FAT4: variants seen among roughly 807,000 people sequenced by gnomAD.
The protein encoded by FAT4 is FAT atypical cadherin 4.
In FAT4, 84 loss-of-function variants were observed where a neutral mutation model predicts 303.9. That is an observed-to-expected ratio of 0.28 (90% CI 0.23 to 0.33). The LOEUF (loss-of-function observed/expected upper bound fraction) is 0.33, where lower values mean the gene tolerates loss of function less well. Ranked by LOEUF, FAT4 falls within the 10% of genes least tolerant of loss-of-function variation. FAT4 has a pLI of 1.00. For missense variants in FAT4, 6,005 were observed against 6,146.8 expected, an observed-to-expected ratio of 0.98 and a Z score of 0.77; for synonymous variants, 2,307 against 2,298.8, an observed-to-expected ratio of 1.00 and a Z score of -0.10.
chr4:125,441,512 A>G (rs542072774), intron 8 of FAT4, among the ~76,000 whole-genome samples: 1 of 152,334 alleles, frequency 6.6e-6, no homozygotes, highest in Non-Finnish European at 1.5e-5. Context: ...GAAACAATGG[A>G]AATGTTTTAA....
chr4:125,352,215 G>A (rs978250715), intron 2 of FAT4, among the ~76,000 whole-genome samples: 8 of 151,164 alleles, frequency 5.3e-5, no homozygotes, highest in South Asian at 4.2e-4. Flanking sequence ...AAGTAATTAC[G>A]TTAGTGGTAA....
chr4:125,486,329 G>A (rs985403885), intron 16 of FAT4, among the ~76,000 whole-genome samples: 3 of 151,188 alleles, frequency 2.0e-5, no homozygotes, highest in Admixed American at 6.6e-5. Flanking sequence ...ATAAAATATT[G>A]CTATATGAAT....
At chr4:125,331,764 ATAACT>A (rs1436162870) in intron 2 of FAT4, among the ~76,000 whole-genome samples, 1 of 152,224 alleles carries the variant, frequency 6.6e-6, no homozygotes, top group Non-Finnish European at 1.5e-5. Context: ...TTTAATATTG[ATAACT>A]TTAATTACTG....
Position 125,408,625 on chromosome 4 carries a change from A to C in FAT4, c.5751A>C (p.Arg1917=), listed in dbSNP as rs763677301. Reference sequence around the variant, plus strand: ...AGCAATATTATATCCTCACTGTTCGAGCAGAAGATGGTGGGGGACAATTTA... The same window carrying C: ...AGCAATATTATATCCTCACTGTTCGCGCAGAAGATGGTGGGGGACAATTTA... ...EVQQYYILTV[R]AEDGGGQFTT... The change falls in exon 5 of 18, where the codon CGA becomes CGC. Residue 1917 remains arginine, a synonymous_variant. Coordinates refer to ENST00000394329, the MANE Select transcript of FAT4 (RefSeq NM_001291303.3). 11 of 1,612,360 alleles carry C rather than the reference A, an allele frequency of 6.8e-6. No homozygotes were observed. The highest frequency in any genetic ancestry group is 9.3e-6 in the Non-Finnish European group (11 of 1,179,006).
At position 125,321,411 on chromosome 4, in the gene FAT4, T is replaced by A; in HGVS notation, c.5000T>A (p.Ile1667Asn). 6.2e-7 allele frequency: 1 copy of A among 1,614,172 alleles called. No individual in the cohort carries two copies. The highest frequency in any genetic ancestry group is 1.1e-5 in the South Asian group (1 of 91,080). ...RGSEAPVEYY[I>N]VSVRCEEKTV... The stretch of plus-strand genomic sequence containing the variant: ...TCTGAGGCCCCAGTGGAGTATTATA[T>A]TGTTTCAGTTCGTTGTGAAGAAAAA... The change falls in exon 2 of 18, where the codon ATT becomes AAT. Residue 1667 changes from isoleucine (I) to asparagine (N), a missense_variant. By Grantham distance (149) the Ile-to-Asn change is moderately radical. Transcript: ENST00000394329.
intron 2 of FAT4, among the ~76,000 whole-genome samples, chr4:125,330,126 A>G (rs946064077): frequency 2.0e-5 from 3 of 152,210 alleles, no homozygotes; most frequent in African/African-American, 2.4e-5. Flanking sequence ...CTAGGCACAC[A>G]TTAGCCTTCG....
rs76671140 is a variant in FAT4, at chr4:125,421,320, G to A, written c.7018+4698G>A. On this transcript the variant is annotated intron_variant, in intron 7 of 17. Coordinates refer to ENST00000394329, the MANE Select transcript of FAT4 (RefSeq NM_001291303.3). Reference sequence around the variant, plus strand: ...ATATCTAAGCACTTTCTAAGCACACGTGGCAATTGGTTTCACATAGCTTAA... The same window carrying A: ...ATATCTAAGCACTTTCTAAGCACACATGGCAATTGGTTTCACATAGCTTAA... Among the ~76,000 whole-genome samples, 751 of 152,228 alleles carry A rather than the reference G, an allele frequency of 4.9e-3. 9 individuals are homozygous for A. The highest frequency in any genetic ancestry group is 0.017 in the African/African-American group (724 of 41,532).
intron 3 of FAT4, among the ~76,000 whole-genome samples, chr4:125,405,951 T>G (rs1412938049): frequency 6.6e-6 from 1 of 152,202 alleles, no homozygotes; most frequent in Non-Finnish European, 1.5e-5. Context: ...ATATACAGTT[T>G]GCAAATATTT....
chr4:125,354,108 T>G (rs181247416), intron 2 of FAT4, among the ~76,000 whole-genome samples: 186 of 151,852 alleles, frequency 1.2e-3, no homozygotes, highest in African/African-American at 4.0e-3. Flanking sequence ...TGGGAAATTG[T>G]ATTGCATTTT....
chr4:125,490,424 C>T lies in FAT4; in HGVS notation c.13608C>T (p.Ala4536=). 6.2e-7 allele frequency: 1 copy of T among 1,613,710 alleles called. No homozygotes were observed. Among genetic ancestry groups the T allele is most frequent in the Non-Finnish European group, 8.5e-7 (1 of 1,179,954 alleles). Reference sequence around the variant, plus strand: ...GTAACCAGTGCAGGGGGAAGAAGGCCAAAAATCCCAAAGAGGAGAAGAAAC... The same window carrying T: ...GTAACCAGTGCAGGGGGAAGAAGGCTAAAAATCCCAAAGAGGAGAAGAAAC... ...ILCNQCRGKK[A]KNPKEEKKPK... is the part of the protein sequence containing the mutation. Residue 4536 remains alanine, a synonymous_variant, in exon 18 of 18, where the codon GCC becomes GCT. Transcript: ENST00000394329.
intron 2 of FAT4, among the ~76,000 whole-genome samples, chr4:125,360,925 ATTTATTTATT>A (rs1015200671): frequency 4.0e-4 from 48 of 120,332 alleles, no homozygotes; most frequent in African/African-American, 1.3e-3. Context: ...TATTTATTTT[ATTTATTTATT>A]TTATTATTTT....
At chr4:125,427,818 A>G (rs1442848340) in intron 7 of FAT4, among the ~76,000 whole-genome samples, 4 of 152,336 alleles carry the variant, frequency 2.6e-5, no homozygotes, top group Middle Eastern at 3.4e-3. Context: ...AGTTAAGCAG[A>G]ATTCTATTTC....
chr4:125,398,790 A>G lies in FAT4; in HGVS notation c.5182A>G (p.Ile1728Val). 1.9e-6 allele frequency: 3 copies of G among 1,612,974 alleles called. No individual in the cohort carries two copies. Among genetic ancestry groups the G allele is most frequent in the Non-Finnish European group, 2.5e-6 (3 of 1,179,212 alleles). ...GTTTCCTTTTTCTTTGTAGGTAGAAATAACACTTCAGGATATCAATGACAA... is the reference window on the plus strand; with the variant it reads ...GTTTCCTTTTTCTTTGTAGGTAGAAGTAACACTTCAGGATATCAATGACAA... ...FPRTQRAEVE[I>V]TLQDINDNPP... The change falls in exon 3 of 18, where the codon ATA (isoleucine) becomes GTA (valine). Residue 1728 changes from isoleucine to valine, a missense_variant. Transcript: ENST00000394329.
chr4:125,484,319 G>A (rs1349612302), intron 16 of FAT4, among the ~76,000 whole-genome samples: 3 of 152,212 alleles, frequency 2.0e-5, no homozygotes, highest in African/African-American at 7.2e-5. Flanking sequence ...GCATAATTGT[G>A]TAAAACTTTG....
At chr4:125,395,231 T>C (rs573412139) in intron 2 of FAT4, among the ~76,000 whole-genome samples, 131 of 152,278 alleles carry the variant, frequency 8.6e-4, no homozygotes, top group Middle Eastern at 3.4e-3. Flanking sequence ...TAAGGAACTG[T>C]GGAGTAGAGA....
chr4:125,454,758 G>A (rs755230897), intron 10 of FAT4, among the ~76,000 whole-genome samples: 39 of 152,252 alleles, frequency 2.6e-4, no homozygotes, highest in Non-Finnish European at 4.4e-4. Context: ...GCTGGAACCC[G>A]GGAGATGGAG....
At chr4:125,421,089 A>T (rs1724860697) in intron 7 of FAT4, among the ~76,000 whole-genome samples, 1 of 151,512 alleles carries the variant, frequency 6.6e-6, no homozygotes, top group Non-Finnish European at 1.5e-5. Context: ...TGCCTGGCTA[A>T]TTTTTTTTTA....
At chr4:125,373,697 G>T (rs1733208611) in intron 2 of FAT4, among the ~76,000 whole-genome samples, 1 of 152,046 alleles carries the variant, frequency 6.6e-6, no homozygotes, top group Admixed American at 6.6e-5. Context: ...TATGACTGAG[G>T]TACTTTTCTT....
intron 10 of FAT4, among the ~76,000 whole-genome samples, chr4:125,462,761 G>A (rs116204224): frequency 0.017 from 2,521 of 151,994 alleles, 27 homozygotes; most frequent in Non-Finnish European, 0.022. Flanking sequence ...CTTCACTTTT[G>A]AAATGTAAAT....
Sources: gnomAD v4.1 joint callset for allele counts (sites outside exome capture counted in the v4.1 genomes callset) on GRCh38, gnomAD v4.1.1 for gene constraint, MANE v1.5 for transcripts, NCBI Gene and HGNC (gene_info 2026-07-23, HGNC 2026-07-21) for gene names.